TEAD4: variants seen among roughly 807,000 people sequenced by gnomAD.
TEAD4 encodes transcriptional enhancer factor TEF-3.
Under a neutral mutation model 52.4 loss-of-function variants are expected in TEAD4, and 36 were observed. The ratio of observed to expected loss-of-function variants is 0.69; its 90% CI spans 0.53 to 0.91. The LOEUF is 0.91. TEAD4 is among the 40% of genes least tolerant of loss of function. The probability of loss-of-function intolerance (pLI) is 0.00; values close to 1 mark genes in which losing one functional copy is unlikely to be tolerated. For missense variants in TEAD4, 508 were observed against 583.9 expected, an observed-to-expected ratio of 0.87 and a Z score of 1.34; for synonymous variants, 220 against 231.0, an observed-to-expected ratio of 0.95 and a Z score of 0.43.
chr12:3,032,908 G>A (rs1479427574), intron 10 of TEAD4, among the ~76,000 whole-genome samples: 2 of 152,328 alleles, frequency 1.3e-5, no homozygotes, highest in Admixed American at 6.5e-5. Context: ...GGTCCTCACA[G>A]GCTGCCCCGG....
At chr12:2,980,662 G>A (rs1340102708) in intron 2 of TEAD4, among the ~76,000 whole-genome samples, 1 of 152,062 alleles carries the variant, frequency 6.6e-6, no homozygotes, top group Non-Finnish European at 1.5e-5. Context: ...GAACCTAGGA[G>A]GCTGAGATTG....
Position 3,019,235 on chromosome 12 carries a change from C to T in TEAD4, c.583+65C>T. On this transcript the variant is annotated intron_variant, in intron 8 of 12. Transcript: ENST00000359864. ...TGTGGCTCCTGCCTCTGGGTCCAGGCCCCCGGCAGCCGAACGCCTGCGTGT... is the reference window on the plus strand; with the variant it reads ...TGTGGCTCCTGCCTCTGGGTCCAGGTCCCCGGCAGCCGAACGCCTGCGTGT... The T allele has an allele frequency of 3.2e-6, 5 of 1,579,806 alleles. No homozygotes were observed. In the East Asian group the frequency reaches 8.9e-5, roughly 28 times the overall value.
At chr12:2,976,789 C>CG (rs2098230067) in intron 2 of TEAD4, among the ~76,000 whole-genome samples, 1 of 151,902 alleles carries the variant, frequency 6.6e-6, no homozygotes, top group Middle Eastern at 3.2e-3. Flanking sequence ...CATTGCCGCC[C>CG]GGGCCTGGGG....
intron 2 of TEAD4, among the ~76,000 whole-genome samples, chr12:2,985,117 C>T (rs920304449): frequency 6.6e-6 from 1 of 152,106 alleles, no homozygotes; most frequent in African/African-American, 2.4e-5. Context: ...AACGCAAACA[C>T]CTCACGCCTG....
At chr12:2,996,062 C>T (rs1433958613) in intron 3 of TEAD4, among the ~76,000 whole-genome samples, 2 of 151,912 alleles carry the variant, frequency 1.3e-5, no homozygotes, top group East Asian at 3.9e-4. Context: ...TTGGAAGGCC[C>T]AGATAAGGCT....
chr12:3,038,399 A>G, intron 11 of TEAD4, among the ~76,000 whole-genome samples: 1 of 152,208 alleles, frequency 6.6e-6, no homozygotes, highest in African/African-American at 2.4e-5. Flanking sequence ...AGCCCTGGGC[A>G]TCTACCTAGT....
At chr12:2,969,284 T>C (rs1161836218) in intron 2 of TEAD4, among the ~76,000 whole-genome samples, 1 of 152,176 alleles carries the variant, frequency 6.6e-6, no homozygotes, top group Non-Finnish European at 1.5e-5. Context: ...TGCGTTGTGT[T>C]AGGTATGATA....
At chr12:3,025,737 G>C (rs2098271684) in intron 10 of TEAD4, among the ~76,000 whole-genome samples, 1 of 151,970 alleles carries the variant, frequency 6.6e-6, no homozygotes, top group Non-Finnish European at 1.5e-5. Flanking sequence ...GGATTTTTCA[G>C]TGTTGGCCAG....
chr12:3,027,056 G>GACACA (rs2098272537), intron 10 of TEAD4, among the ~76,000 whole-genome samples: 2 of 151,354 alleles, frequency 1.3e-5, no homozygotes, highest in African/African-American at 4.9e-5. Context: ...GCAGTGGTGT[G>GACACA]ATCTCGGCTC....
intron 2 of TEAD4, among the ~76,000 whole-genome samples, chr12:2,992,809 C>T (rs1200068666): frequency 6.6e-6 from 1 of 152,072 alleles, no homozygotes; most frequent in Non-Finnish European, 1.5e-5. Flanking sequence ...GTACTCATAA[C>T]CCAAAAACTG....
chr12:3,011,446 G>A (rs1252666462), intron 4 of TEAD4, among the ~76,000 whole-genome samples: 1 of 152,206 alleles, frequency 6.6e-6, no homozygotes, highest in African/African-American at 2.4e-5. Flanking sequence ...TGGCCAGGCT[G>A]GTCTCGAATT....
chr12:2,971,566 C>T (rs2098225049), intron 2 of TEAD4, among the ~76,000 whole-genome samples: 1 of 151,860 alleles, frequency 6.6e-6, no homozygotes, highest in African/African-American at 2.4e-5. Context: ...AGCTCCGCCT[C>T]CCGGGTTCAT....
At chr12:3,000,133 C>G (rs2098250528) in intron 3 of TEAD4, among the ~76,000 whole-genome samples, 1 of 152,160 alleles carries the variant, frequency 6.6e-6, no homozygotes, top group Non-Finnish European at 1.5e-5. Flanking sequence ...ATGAGAGGGG[C>G]AGGAAAAACT....
At chr12:2,970,403 C>T (rs766735398) in intron 2 of TEAD4, among the ~76,000 whole-genome samples, 10 of 152,162 alleles carry the variant, frequency 6.6e-5, no homozygotes, top group Middle Eastern at 3.2e-3. Context: ...CAACCTCATA[C>T]GGTGTATGTG....
chr12:3,034,926 T>C (rs1000986364), intron 10 of TEAD4, among the ~76,000 whole-genome samples: 25 of 144,176 alleles, frequency 1.7e-4, no homozygotes, highest in African/African-American at 6.1e-4. Context: ...AAACCCCACC[T>C]CTACTAAAAA....
At chr12:3,007,498 A>G (rs1224469519) in intron 3 of TEAD4, among the ~76,000 whole-genome samples, 2 of 152,154 alleles carry the variant, frequency 1.3e-5, no homozygotes, top group African/African-American at 4.8e-5. Context: ...GAGGAGGTGG[A>G]TTTACTGTGA....
At chr12:2,995,156 T>G (rs1455203754) in intron 3 of TEAD4, among the ~76,000 whole-genome samples, 164 bp downstream of exon 3, 3 of 151,282 alleles carry the variant, frequency 2.0e-5, no homozygotes, top group African/African-American at 7.3e-5. Context: ...TGGGGGCATC[T>G]GAGGAGAAGC....
At chr12:2,969,792 G>C (rs2098223606) in intron 2 of TEAD4, among the ~76,000 whole-genome samples, 1 of 152,236 alleles carries the variant, frequency 6.6e-6, no homozygotes, top group African/African-American at 2.4e-5. Context: ...GTTAGGAACA[G>C]GCGGAATCTG....
intron 3 of TEAD4, among the ~76,000 whole-genome samples, chr12:2,997,700 G>A (rs976062457): frequency 6.6e-6 from 1 of 151,692 alleles, no homozygotes; most frequent in Non-Finnish European, 1.5e-5. Flanking sequence ...AGGGCGCTGT[G>A]GGTGTCTGGG....
Sources: gnomAD v4.1 joint callset for allele counts (sites outside exome capture counted in the v4.1 genomes callset) on GRCh38, gnomAD v4.1.1 for gene constraint, MANE v1.5 for transcripts, NCBI Gene and HGNC (gene_info 2026-07-23, HGNC 2026-07-21) for gene names.